SLC49A3: variants seen among roughly 807,000 people sequenced by gnomAD.
The protein encoded by SLC49A3 is solute carrier family 49 member 3.
Under a neutral mutation model 43.8 loss-of-function variants are expected in SLC49A3, and 50 were observed. The observed-to-expected ratio is 1.14, with a 90% CI of 0.91 to 1.45. The LOEUF is 1.45. Ranked by LOEUF, SLC49A3 falls within the 40% of genes most tolerant of loss-of-function variation. SLC49A3 has a pLI of 0.00. For missense variants in SLC49A3, 906 were observed against 774.1 expected, an observed-to-expected ratio of 1.17 and a Z score of -2.02; for synonymous variants, 413 against 352.0, an observed-to-expected ratio of 1.17 and a Z score of -1.94.
chr4:680,616 G>GGCTTCC (rs1418276933), downstream of SLC49A3: 7 of 1,604,798 alleles, frequency 4.4e-6, no homozygotes, highest in Non-Finnish European at 6.0e-6. Context: ...AGGGCGGCCC[G>GGCTTCC]GCTTCCGGGG....
At chr4:678,026 C>T (rs752140891), downstream of SLC49A3, 1 of 1,613,404 alleles carries the variant, frequency 6.2e-7, no homozygotes, top group South Asian at 1.1e-5. Flanking sequence ...CAGAAGCAGG[C>T]ATGGTGAGCA....
intron 9 of SLC49A3, 26 bp from the exon 10 acceptor site, chr4:682,402 CCACAG>C (rs1314842590): frequency 7.6e-7 from 1 of 1,324,020 alleles, no homozygotes; most frequent in African/African-American, 1.5e-5. Context: ...ACAGCTGTCC[CCACAG>C]CCAAGCCCAG....
chr4:678,193 T>A (rs1739047887), downstream of SLC49A3: 2 of 1,525,864 alleles, frequency 1.3e-6, no homozygotes, highest in Non-Finnish European at 1.8e-6. Context: ...CGTGTGTATG[T>A]GCGTGTGTGT....
downstream of SLC49A3, chr4:678,286 AG>A: frequency 6.9e-7 from 1 of 1,440,970 alleles, no homozygotes. Flanking sequence ...GAGCAGGATG[AG>A]GGGGTTCCTG....
Position 684,694 on chromosome 4 carries a change from A to C in SLC49A3, c.723+25T>G, listed in dbSNP as rs73792340. Reference sequence around the variant, plus strand: ...TTGCCCCCACCCCCAAATCCACCCTACCCCGGGGATCCCACGGCACTGACC... The same window carrying C: ...TTGCCCCCACCCCCAAATCCACCCTCCCCCGGGGATCCCACGGCACTGACC... On this transcript the variant is annotated intron_variant, in intron 5 of 9. Transcript: ENST00000322224. 2.1e-3 allele frequency: 3,422 copies of C among 1,605,504 alleles called. 72 individuals carry two copies. In the African/African-American group the frequency reaches 0.04, roughly 19 times the overall value.
Position 685,781 on chromosome 4 carries a change from C to T in SLC49A3, c.585+54G>A, listed in dbSNP as rs111260616. ...ACACTTGGGATCAGGAACACACAGA[C>T]GTGCATGCGCACACACCACACAGAC... On this transcript the variant is annotated intron_variant, in intron 4 of 9. Transcript: ENST00000322224. This position sits in a 1 kb window ranked among gnomAD's most constrained non-coding sequence, Gnocchi z 4.3. 96 of 1,571,174 alleles carry T rather than the reference C, an allele frequency of 6.1e-5. No individual in the cohort carries two copies. Among genetic ancestry groups the T allele is most frequent in the African/African-American group, 1.5e-4 (11 of 74,100 alleles).
downstream of SLC49A3, chr4:676,879 C>T (rs1738891995): frequency 4.1e-6 from 4 of 985,386 alleles, no homozygotes; most frequent in Non-Finnish European, 3.6e-6. Flanking sequence ...GGTCCTCAAC[C>T]TCAGGAGTCA....
chr4:685,934 T>C lies in SLC49A3; in HGVS notation c.509-23A>G. ...TCGCTGGGTGGGCGGATGCACAAAG[T>C]GTCAGCTCGGCTGTGGCCTGGCTTC... is the stretch of plus-strand genomic sequence containing the variant. On this transcript the variant is annotated intron_variant, in intron 3 of 9. Coordinates refer to ENST00000322224, the MANE Select transcript of SLC49A3 (RefSeq NM_032219.4). The surrounding 1 kb of genome is among the most constrained non-coding windows in gnomAD (Gnocchi z 4.3). 1 of 1,613,632 alleles carries C rather than the reference T, an allele frequency of 6.2e-7. No individual in the cohort carries two copies. Among genetic ancestry groups the C allele is most frequent in the African/African-American group, 1.3e-5 (1 of 75,016 alleles).
chr4:682,676 G>C, intron 9 of SLC49A3, 105 bp downstream of exon 9: 1 of 905,934 alleles, frequency 1.1e-6, no homozygotes, highest in Non-Finnish European at 1.6e-6. Context: ...CACCTGTCCT[G>C]CTGTTTAGGG....
chr4:681,842 T>C lies in SLC49A3; in HGVS notation c.*116A>G. 2 of 1,294,146 alleles carry C rather than the reference T, an allele frequency of 1.5e-6. No homozygotes were observed. Among genetic ancestry groups the C allele is most frequent in the Non-Finnish European group, 2.0e-6 (2 of 1,013,682 alleles). The allele number at this position is 1,294,146 out of a possible 1,614,324, so 80.2% of individuals were successfully genotyped here. On this transcript the variant is annotated 3_prime_UTR_variant, in exon 10 of 10. Coordinates refer to ENST00000322224, the MANE Select transcript of SLC49A3 (RefSeq NM_032219.4). Reference sequence around the variant, plus strand: ...ACCCGGGGCCGCTGCAGGTGCGCGCTTGTAATTCGCTCCCGGAGCCCGCAA... The same window carrying C: ...ACCCGGGGCCGCTGCAGGTGCGCGCCTGTAATTCGCTCCCGGAGCCCGCAA...
chr4:681,343 C>T (rs1275859962), downstream of SLC49A3, among the ~76,000 whole-genome samples: 15 of 152,104 alleles, frequency 9.9e-5, no homozygotes, highest in Admixed American at 8.5e-4. Flanking sequence ...GAGACCCCTC[C>T]CCTCCGTTAG....
At chr4:678,180 G>A (rs953989827), downstream of SLC49A3, 23 of 1,537,464 alleles carry the variant, frequency 1.5e-5, no homozygotes, top group East Asian at 2.5e-5. Flanking sequence ...GTGTGTGCAT[G>A]AGCGTGTGTA....
At chr4:676,916 G>T (rs964043401), downstream of SLC49A3, 1 of 985,262 alleles carries the variant, frequency 1.0e-6, no homozygotes. Flanking sequence ...GCTGGACCTG[G>T]GGATGGCACC....
At chr4:691,582 G>A (rs987719829), upstream of SLC49A3, among the ~76,000 whole-genome samples, 56 of 151,352 alleles carry the variant, frequency 3.7e-4, no homozygotes, top group African/African-American at 1.3e-3. Context: ...GCAACAGAGG[G>A]AGACTCTGTC....
intron 4 of SLC49A3, 51 bp from the exon 5 acceptor site, chr4:684,907 C>T: frequency 2.5e-6 from 4 of 1,572,360 alleles, no homozygotes; most frequent in East Asian, 2.3e-5. Flanking sequence ...GGCACCCACA[C>T]ACGCCGCAGC....
chr4:686,029 G>T, intron 3 of SLC49A3, 60 bp downstream of exon 3: 1 of 1,606,982 alleles, frequency 6.2e-7, no homozygotes, highest in Non-Finnish European at 8.5e-7. Flanking sequence ...CTGGGGAGCC[G>T]AGCGTCTGTG....
At chr4:678,537 C>T (rs769658387), downstream of SLC49A3, 90 of 1,465,574 alleles carry the variant, frequency 6.1e-5, no homozygotes, top group Non-Finnish European at 7.8e-5. Flanking sequence ...CTGTCTGGCC[C>T]CCTCCAGCCC....
Position 682,835 on chromosome 4 carries a change from AGCGTC to A in SLC49A3, c.1202_1206del (p.Arg401LeufsTer16), listed in dbSNP as rs757561332. ...TGGCAGGTGGACAAGGACGGCTCCG[AGCGTC>A]GCACAGTCAGTGCCGTCATTGCCAG... On this transcript the variant is annotated frameshift_variant, in exon 9 of 10. Coordinates refer to ENST00000322224, the MANE Select transcript of SLC49A3 (RefSeq NM_032219.4). LOFTEE classifies it high-confidence loss of function. 3.4e-4 allele frequency: 541 copies of A among 1,605,034 alleles called. 1 individual carries two copies. Among genetic ancestry groups the A allele is most frequent in the Non-Finnish European group, 4.5e-4 (527 of 1,174,906 alleles).
chr4:684,682 C>T, intron 5 of SLC49A3, 37 bp downstream of exon 5: 3 of 1,605,624 alleles, frequency 1.9e-6, no homozygotes, highest in Non-Finnish European at 2.6e-6. Context: ...CCCCCACCCC[C>T]AAATCCACCC....
Sources: allele counts gnomAD v4.1 joint callset (sites outside exome capture counted in the v4.1 genomes callset), GRCh38; gene constraint gnomAD v4.1.1; non-coding constraint Gnocchi (gnomAD v3.1); transcripts MANE v1.5; gene names NCBI Gene and HGNC (gene_info 2026-07-23, HGNC 2026-07-21).